C14orf39: variants seen among roughly 807,000 people sequenced by gnomAD.
C14orf39 encodes the protein chromosome 14 open reading frame 39.
In C14orf39, 66 loss-of-function variants were observed where a neutral mutation model predicts 85.6. The ratio of observed to expected loss-of-function variants is 0.77; its 90% CI spans 0.63 to 0.95. The LOEUF is 0.95. Ranked by LOEUF, C14orf39 falls within the 40% of genes least tolerant of loss-of-function variation. C14orf39 has a pLI of 0.00. For missense variants in C14orf39, 735 were observed against 663.9 expected, an observed-to-expected ratio of 1.11 and a Z score of -1.18; for synonymous variants, 242 against 214.0, an observed-to-expected ratio of 1.13 and a Z score of -1.14.
intron 4 of C14orf39, among the ~76,000 whole-genome samples, chr14:60,479,625 T>C (rs1340240309): frequency 6.6e-6 from 1 of 152,214 alleles, no homozygotes; most frequent in Admixed American, 6.5e-5. Flanking sequence ...TGTACATCCT[T>C]CTAGACTTTT....
intron 17 of C14orf39, among the ~76,000 whole-genome samples, chr14:60,438,242 A>C (rs1347321949): frequency 6.6e-6 from 1 of 151,976 alleles, no homozygotes; most frequent in African/African-American, 2.4e-5. Flanking sequence ...AGATGGGTGG[A>C]TGGATGGATG....
chr14:60,466,754 T>C (rs1476266528), intron 10 of C14orf39, among the ~76,000 whole-genome samples, 163 bp downstream of exon 10: 1 of 151,884 alleles, frequency 6.6e-6, no homozygotes, highest in Non-Finnish European at 1.5e-5. Flanking sequence ...AGAAGACATA[T>C]TTTGTTTGCT....
chr14:60,449,010 G>A (rs970035390), intron 16 of C14orf39, among the ~76,000 whole-genome samples: 1 of 152,072 alleles, frequency 6.6e-6, no homozygotes, highest in Non-Finnish European at 1.5e-5. Flanking sequence ...CACGGGGTGG[G>A]GAACATTACA....
At chr14:60,458,536 G>A (rs1566663566) in intron 14 of C14orf39, 142 bp downstream of exon 14, 5 of 478,878 alleles carry the variant, frequency 1.0e-5, no homozygotes, top group Non-Finnish European at 1.8e-5. Context: ...CTGAAAAATA[G>A]AATCTGTAAC....
Position 60,484,229 on chromosome 14 carries a change from A to G in C14orf39, c.107-412T>C, listed in dbSNP as rs1233423139. Among the ~76,000 whole-genome samples, 1 of 152,218 alleles carries G rather than the reference A, an allele frequency of 6.6e-6. No homozygotes were observed. ...ATTCATCAATTCTATGTCAATTATT[A>G]AACGCACTTTCAACTCACTTATTTC... On this transcript the variant is annotated intron_variant, in intron 3 of 17. Transcript: ENST00000321731. This position sits in a 1 kb window ranked among gnomAD's most constrained non-coding sequence, Gnocchi z 4.2.
intron 9 of C14orf39, among the ~76,000 whole-genome samples, chr14:60,468,116 C>T (rs1300828702): frequency 6.6e-6 from 1 of 151,622 alleles, no homozygotes; most frequent in Non-Finnish European, 1.5e-5. Context: ...CTATTCCCAC[C>T]ATTGTTTCTG....
In C14orf39 at chr14:60,465,630, G is replaced by C. The variant is rs76346039; in HGVS notation, c.972+349C>G. On this transcript the variant is annotated intron_variant, in intron 11 of 17. Coordinates refer to ENST00000321731, the MANE Select transcript of C14orf39 (RefSeq NM_174978.3). The stretch of plus-strand genomic sequence containing the variant: ...CGGTATTCTCCTATGCATGTCCTGG[G>C]CAATAATTTCCCTCTTCAATCCAAT... 6.1e-4 allele frequency among the ~76,000 whole-genome samples: 93 copies of C among 152,106 alleles called. 1 individual carries two copies. The East Asian group carries it at 0.014, about 23-fold the overall frequency.
In C14orf39 at chr14:60,461,424, T is replaced by A; in HGVS notation, c.1059-12A>T. 6.2e-7 allele frequency: 1 copy of A among 1,600,060 alleles called. No individual in the cohort carries two copies. Among genetic ancestry groups the A allele is most frequent in the Non-Finnish European group, 8.5e-7 (1 of 1,171,606 alleles). ...GTGGGGTTAACAATCTAAAATGGAA[T>A]AAATATAATTTTTGTATTTTTTCTG... On this transcript the variant is annotated splice_polypyrimidine_tract_variant and intron_variant, in intron 12 of 17. Transcript: ENST00000321731.
At chr14:60,478,185 A>AAAAAAAAAAAAAG (rs1892483063) in intron 5 of C14orf39, 115 bp downstream of exon 5, 1 of 212,964 alleles carries the variant, frequency 4.7e-6, no homozygotes, top group Non-Finnish European at 9.9e-6. Context: ...TCTCAAAAAA[A>AAAAAAAAAAAAAG]AAAAAAGAAA....
At chr14:60,488,029 GTTTATA>G (rs1006346488), upstream of C14orf39, among the ~76,000 whole-genome samples, 4 of 151,936 alleles carry the variant, frequency 2.6e-5, no homozygotes, top group African/African-American at 9.7e-5. Flanking sequence ...TATTACATTT[GTTTATA>G]TTTATTAACT....
chr14:60,447,361 A>C (rs1890818539), intron 16 of C14orf39, among the ~76,000 whole-genome samples: 1 of 152,224 alleles, frequency 6.6e-6, no homozygotes, highest in Non-Finnish European at 1.5e-5. Flanking sequence ...CTCAGGATAC[A>C]AAATCAATGT....
At chr14:60,494,886 A>G (rs1033119035) in intron 2 of C14orf39, 1 of 155,360 alleles carries the variant, frequency 6.4e-6, no homozygotes, top group South Asian at 1.9e-4. Flanking sequence ...CCTTGTCTAC[A>G]TCAGTGCTTT....
At chr14:60,488,007 C>A (rs768700772), upstream of C14orf39, among the ~76,000 whole-genome samples, 3 of 152,070 alleles carry the variant, frequency 2.0e-5, no homozygotes, top group Non-Finnish European at 4.4e-5. Context: ...GATATTAACC[C>A]AAATTTACTC....
chr14:60,513,444 G>C (rs539279852), intron 1 of C14orf39, among the ~76,000 whole-genome samples: 2 of 152,324 alleles, frequency 1.3e-5, no homozygotes, highest in East Asian at 1.9e-4. Context: ...ATGAGATTGA[G>C]TGCCTCCTTA....
intron 5 of C14orf39, among the ~76,000 whole-genome samples, chr14:60,474,409 T>C (rs1436684909): frequency 7.9e-5 from 4 of 50,556 alleles, no homozygotes; most frequent in African/African-American, 1.5e-4. Context: ...TCCTGCCTGA[T>C]TGCCCTGGCC....
In C14orf39 at chr14:60,515,015, T is replaced by C; in HGVS notation, c.-144+380A>G. 1 of 152,548 alleles carries C rather than the reference T, an allele frequency of 6.6e-6. No individual in the cohort carries two copies. The highest frequency in any genetic ancestry group is 1.5e-5 in the Non-Finnish European group (1 of 68,424). 9.4% of individuals were successfully genotyped at this position (152,548 alleles called of 1,614,324 possible). ...TTTGTCGGCCTGAATGGCTAATAGG[T>C]TTGCCTGTGAGCTGCGAGGGGGCGG... On this transcript the variant is annotated intron_variant, in intron 1 of 5. Coordinates refer to the C14orf39 transcript ENST00000556799. The surrounding 1 kb of genome is among the most constrained non-coding windows in gnomAD (Gnocchi z 6.2).
chr14:60,490,760 C>T (rs1287353721), upstream of C14orf39, among the ~76,000 whole-genome samples: 2 of 152,136 alleles, frequency 1.3e-5, no homozygotes, highest in Non-Finnish European at 2.9e-5. Context: ...ATTTGGTAGT[C>T]GAGACACCAT....
chr14:60,456,912 C>G lies in C14orf39; in HGVS notation c.1358+5G>C. On this transcript the variant is annotated splice_donor_5th_base_variant and intron_variant, in intron 15 of 17. Coordinates refer to ENST00000321731, the MANE Select transcript of C14orf39 (RefSeq NM_174978.3). Reference sequence around the variant, plus strand: ...TTTAACAATAGTTATTAATTAAAATCCTACATTTCGAACGGGGGGGTTTTA... The same window carrying G: ...TTTAACAATAGTTATTAATTAAAATGCTACATTTCGAACGGGGGGGTTTTA... 6.4e-7 allele frequency: 1 copy of G among 1,555,838 alleles called. No individual in the cohort carries two copies.
Position 60,471,445 on chromosome 14 carries a change from G to T in C14orf39, c.526C>A (p.Pro176Thr). The T allele has an allele frequency of 6.3e-7, 1 of 1,599,942 alleles. No homozygotes were observed. The highest frequency in any genetic ancestry group is 2.3e-5 in the East Asian group (1 of 44,320). The change falls in exon 7 of 18, where the codon CCA (proline) becomes ACA (threonine). Residue 176 changes from proline (P) to threonine (T), a missense_variant. Transcript: ENST00000321731. ...TTTAAAGTCCATTTAGTAAGTGATG[G>T]AAAGGGAGCAGGCACTGAAAAATAA... ...FMKFRVPAPF[P>T]SLTKWTLNIV...
Sources: gnomAD v4.1 joint callset for allele counts (sites outside exome capture counted in the v4.1 genomes callset) on GRCh38, gnomAD v4.1.1 for gene constraint, Gnocchi (gnomAD v3.1) non-coding constraint, MANE v1.5 for transcripts, NCBI Gene and HGNC (gene_info 2026-07-23, HGNC 2026-07-21) for gene names.